Variants in SLCO1A2 observed in about 807,000 individuals in gnomAD.
The protein encoded by SLCO1A2 is OATP-1.
A neutral mutation model predicts 69.0 loss-of-function variants in SLCO1A2; 67 were observed. That is an observed-to-expected ratio of 0.97 (90% CI 0.80 to 1.19). SLCO1A2 has a LOEUF of 1.19. SLCO1A2 is among the 50% of genes most tolerant of loss of function. SLCO1A2 has a pLI of 0.00. For missense variants in SLCO1A2, 787 were observed against 793.7 expected (o/e 0.99, Z 0.10); for synonymous variants, 260 against 265.9 (o/e 0.98, Z 0.22).
intron 5 of SLCO1A2, 55 bp from the exon 6 acceptor site, chr12:21,304,628 A>G: frequency 6.8e-7 from 1 of 1,473,132 alleles, no homozygotes. Context: ...AGTGTCAGTA[A>G]TATTAATTCT....
At chr12:21,347,161 C>T (rs865922408) in intron 2 of SLCO1A2, among the ~76,000 whole-genome samples, 6 of 152,224 alleles carry the variant, frequency 3.9e-5, no homozygotes, top group Middle Eastern at 6.8e-3. Flanking sequence ...AATTAAATTT[C>T]TACTTCCTTC....
chr12:21,331,864 C>A (rs1952640812), intron 2 of SLCO1A2, among the ~76,000 whole-genome samples: 1 of 152,072 alleles, frequency 6.6e-6, no homozygotes, highest in South Asian at 2.1e-4. Context: ...AATTTTAGAT[C>A]TTAACCAAAT....
chr12:21,400,742 T>G (rs1331857144), intron 1 of SLCO1A2, among the ~76,000 whole-genome samples: 15 of 147,544 alleles, frequency 1.0e-4, no homozygotes, highest in Non-Finnish European at 2.1e-4. Flanking sequence ...ATGGATGAAA[T>G]TGGAAATCAT....
intron 1 of SLCO1A2, among the ~76,000 whole-genome samples, chr12:21,394,654 C>T (rs1412724215): frequency 6.6e-6 from 1 of 151,150 alleles, no homozygotes; most frequent in Non-Finnish European, 1.5e-5. Flanking sequence ...TATTCCTGAA[C>T]AAGGTGATAC....
chr12:21,281,975 T>C (rs768010363), intron 12 of SLCO1A2, among the ~76,000 whole-genome samples: 10 of 152,096 alleles, frequency 6.6e-5, no homozygotes, highest in Non-Finnish European at 1.3e-4. Flanking sequence ...ATGGCTTCAC[T>C]GCCTAATTCT....
chr12:21,336,636 TAAAC>T (rs1952900597), upstream of SLCO1A2, among the ~76,000 whole-genome samples: 1 of 151,958 alleles, frequency 6.6e-6, no homozygotes, highest in Non-Finnish European at 1.5e-5. Context: ...TGGAGGAAAA[TAAAC>T]AAATTAACAA....
intron 4 of SLCO1A2, 58 bp from the exon 5 acceptor site, chr12:21,307,046 CA>C (rs2136542550): frequency 5.1e-6 from 6 of 1,187,574 alleles, no homozygotes; most frequent in Middle Eastern, 2.3e-4. Flanking sequence ...ACAATGTGGG[CA>C]ATGTGCAGAT....
intron 1 of SLCO1A2, among the ~76,000 whole-genome samples, chr12:21,383,191 C>T (rs1392436064): frequency 1.3e-5 from 2 of 152,126 alleles, no homozygotes; most frequent in Non-Finnish European, 2.9e-5. Context: ...AAATTCAATA[C>T]ACTTACTAAA....
chr12:21,297,500 T>C lies in SLCO1A2; in HGVS notation c.979A>G (p.Ile327Val). 6.2e-7 allele frequency: 1 copy of C among 1,609,548 alleles called. No homozygotes were observed. ...IYMLFILVSV[I>V]QFNAFVNMIS... Reference sequence around the variant, plus strand: ...ATGTTAACGAATGCATTGAACTGTATCACACTTACAAGTATGAAAAGCATA... The same window carrying C: ...ATGTTAACGAATGCATTGAACTGTACCACACTTACAAGTATGAAAAGCATA... Residue 327 changes from isoleucine (I) to valine (V), a missense_variant, in exon 9 of 15, where the codon ATA becomes GTA. Physicochemically the swap from Ile to Val is conservative, Grantham distance 29. Transcript: ENST00000683939.
Position 21,274,878 on chromosome 12 carries a change from C to T in SLCO1A2, c.1676-292G>A, listed in dbSNP as rs78429506. On this transcript the variant is annotated intron_variant, in intron 13 of 14. Transcript: ENST00000683939. ...AAATGTTTTGGGCCAGTTATATGTA[C>T]ATTTTATTTGGGCAGAGCATTTTCT... 1.1e-4 allele frequency: 114 copies of T among 1,049,162 alleles called. No individual in the cohort carries two copies. The East Asian group carries it at 4.3e-3, about 39-fold the overall frequency. The allele number at this position is 1,049,162 out of a possible 1,614,324, so 65.0% of individuals were successfully genotyped here.
At position 21,388,927 on chromosome 12, in the gene SLCO1A2, C is replaced by T. The variant is rs573441621; in HGVS notation, c.-190+5979G>A. 5.3e-5 allele frequency among the ~76,000 whole-genome samples: 8 copies of T among 152,260 alleles called. No homozygotes were observed. In the South Asian group the frequency reaches 1.7e-3, roughly 32 times the overall value. On this transcript the variant is annotated intron_variant, in intron 1 of 15. Transcript: ENST00000307378. ...GTATATGCAAACATAGACCTAGACC[C>T]TTTTGTACCTCATCATTGTAAATAC...
chr12:21,280,048 A>G (rs920359358), intron 12 of SLCO1A2, among the ~76,000 whole-genome samples: 7 of 152,238 alleles, frequency 4.6e-5, no homozygotes, highest in African/African-American at 1.7e-4. Context: ...AAAATGGGCT[A>G]TAAGATAGCA....
chr12:21,352,872 C>T (rs1938070713), intron 2 of SLCO1A2, among the ~76,000 whole-genome samples: 1 of 152,158 alleles, frequency 6.6e-6, no homozygotes, highest in African/African-American at 2.4e-5. Flanking sequence ...TAAGCTTGGC[C>T]AGTTTGTCCC....
chr12:21,387,992 G>A (rs1940970109), intron 1 of SLCO1A2, among the ~76,000 whole-genome samples: 3 of 152,196 alleles, frequency 2.0e-5, no homozygotes, highest in Admixed American at 2.0e-4. Flanking sequence ...GGAATGTTAA[G>A]GTTTAATGAC....
intron 1 of SLCO1A2, among the ~76,000 whole-genome samples, chr12:21,402,148 A>AC (rs1252541849): frequency 8.3e-4 from 125 of 150,892 alleles, no homozygotes; most frequent in African/African-American, 2.9e-3. Context: ...AAAAAAAAAA[A>AC]CCAAGAAACT....
chr12:21,304,875 G>C (rs915034081), intron 5 of SLCO1A2, among the ~76,000 whole-genome samples: 9 of 152,144 alleles, frequency 5.9e-5, no homozygotes, highest in Non-Finnish European at 1.2e-4. Flanking sequence ...TTTCATAGCA[G>C]TGTTACACCA....
At chr12:21,351,863 C>T (rs191256803) in intron 2 of SLCO1A2, among the ~76,000 whole-genome samples, 1 of 152,024 alleles carries the variant, frequency 6.6e-6, no homozygotes, top group African/African-American at 2.4e-5. Context: ...CAAGACCAGG[C>T]TTTGTTACGT....
intron 2 of SLCO1A2, among the ~76,000 whole-genome samples, chr12:21,366,171 T>C (rs966297712): frequency 1.2e-4 from 19 of 152,152 alleles, no homozygotes; most frequent in African/African-American, 3.4e-4. Flanking sequence ...AGTGATAGAC[T>C]GGATTAAGAA....
At chr12:21,344,029 T>A (rs1015173530) in intron 2 of SLCO1A2, among the ~76,000 whole-genome samples, 1 of 152,118 alleles carries the variant, frequency 6.6e-6, no homozygotes, top group Non-Finnish European at 1.5e-5. Flanking sequence ...CCTTTAAATA[T>A]GATAAAATTA....
Sources: allele counts gnomAD v4.1 joint callset (sites outside exome capture counted in the v4.1 genomes callset), GRCh38; gene constraint gnomAD v4.1.1; transcripts MANE v1.5; gene names NCBI Gene and HGNC (gene_info 2026-07-23, HGNC 2026-07-21).